The following HEG1 variants were observed in gnomAD, a reference collection of about 807,000 sequenced individuals.
The protein encoded by HEG1 is heart development protein with EGF like domains 1, also known as protein HEG homolog 1.
In HEG1, 56 loss-of-function variants were observed where a neutral mutation model predicts 125.6. That is an observed-to-expected ratio of 0.45 (90% CI 0.36 to 0.56). HEG1 has a LOEUF of 0.56. HEG1 is among the 20% of genes least tolerant of loss of function. The pLI, the probability that HEG1 is intolerant of heterozygous loss-of-function variation, is 0.00. For synonymous variants in HEG1, 644 were observed against 668.5 expected, an observed-to-expected ratio of 0.96 and a Z score of 0.57; for missense variants, 1,523 against 1,670.0, an observed-to-expected ratio of 0.91 and a Z score of 1.53.
At chr3:124,971,791 T>A (rs1936429319) in intron 16 of HEG1, among the ~76,000 whole-genome samples, 1 of 145,258 alleles carries the variant, frequency 6.9e-6, no homozygotes. Context: ...CGCCCGGCCT[T>A]TTTTTTTTTT....
chr3:124,992,604 G>C (rs1579404242), intron 12 of HEG1, among the ~76,000 whole-genome samples: 1 of 152,236 alleles, frequency 6.6e-6, no homozygotes. Flanking sequence ...GGAGGGGCAG[G>C]GGGCTGGCGA....
chr3:125,011,253 A>G (rs1937153966), intron 6 of HEG1, among the ~76,000 whole-genome samples: 1 of 152,142 alleles, frequency 6.6e-6, no homozygotes, highest in African/African-American at 2.4e-5. Context: ...CTCAAAAAAA[A>G]AAAATAGTAA....
chr3:125,014,997 C>T (rs918253139), intron 5 of HEG1: 34 of 1,250,346 alleles, frequency 2.7e-5, no homozygotes, highest in African/African-American at 2.6e-4. Flanking sequence ...GCCTGGCTCT[C>T]GGCTGTCTTC....
intron 1 of HEG1, among the ~76,000 whole-genome samples, chr3:125,035,580 C>T (rs557752395): frequency 6.6e-6 from 1 of 152,240 alleles, no homozygotes; most frequent in African/African-American, 2.4e-5. Context: ...CATCTTCAGA[C>T]TATCAAATAA....
chr3:125,042,517 TAGA>T (rs1462730145), intron 1 of HEG1, among the ~76,000 whole-genome samples: 2 of 152,244 alleles, frequency 1.3e-5, no homozygotes, highest in African/African-American at 4.8e-5. Flanking sequence ...GAATCAGGTA[TAGA>T]ATCTACCTCA....
chr3:124,997,606 C>CAG, intron 12 of HEG1, 83 bp downstream of exon 12: 1 of 1,375,372 alleles, frequency 7.3e-7, no homozygotes. Flanking sequence ...TAAGCAAAGA[C>CAG]AGAGAGAGAG....
intron 14 of HEG1, among the ~76,000 whole-genome samples, chr3:124,990,202 C>T (rs1936807135): frequency 1.3e-5 from 2 of 152,156 alleles, no homozygotes; most frequent in Non-Finnish European, 2.9e-5. Context: ...CACCCCATGT[C>T]TGGTTATCAC....
chr3:124,990,853 G>T lies in HEG1; in HGVS notation c.3696-29C>A, dbSNP rs1419664584. On this transcript the variant is annotated intron_variant, in intron 13 of 16. Coordinates refer to ENST00000311127, the MANE Select transcript of HEG1 (RefSeq NM_020733.2). ...CAAGCCAAGAAAGAAAAAAGGGCAA[G>T]AATTAGTTTCCAATCTCAAAAGAAA... 1.9e-6 allele frequency: 3 copies of T among 1,559,042 alleles called. No individual in the cohort carries two copies. The South Asian group carries it at 3.5e-5, about 18-fold the overall frequency.
At chr3:124,999,328 G>A (rs1223916668) in intron 11 of HEG1, among the ~76,000 whole-genome samples, 3 of 152,230 alleles carry the variant, frequency 2.0e-5, no homozygotes, top group Non-Finnish European at 4.4e-5. Flanking sequence ...AATCTCACCA[G>A]GCAAACACTG....
intron 8 of HEG1, among the ~76,000 whole-genome samples, chr3:125,007,035 TA>T: frequency 6.6e-6 from 1 of 151,306 alleles, no homozygotes; most frequent in African/African-American, 2.4e-5. Flanking sequence ...CCGTCTCTAC[TA>T]AAAATACAAA....
chr3:125,000,536 T>C (rs1456071121), intron 11 of HEG1, among the ~76,000 whole-genome samples: 1 of 151,786 alleles, frequency 6.6e-6, no homozygotes, highest in Non-Finnish European at 1.5e-5. Flanking sequence ...CATGATATAA[T>C]GGGGCATGAC....
chr3:124,989,080 T>C (rs1936789548), intron 14 of HEG1, among the ~76,000 whole-genome samples: 1 of 152,238 alleles, frequency 6.6e-6, no homozygotes. Flanking sequence ...ACCAAAGTCA[T>C]CAGTAATCCT....
chr3:125,020,313 C>T (rs573776125), intron 4 of HEG1, among the ~76,000 whole-genome samples: 2 of 152,212 alleles, frequency 1.3e-5, no homozygotes, highest in African/African-American at 2.4e-5. Context: ...GTAGTCCCAG[C>T]TACTCTGGAG....
In HEG1 at chr3:125,002,057, G is replaced by A. The variant is rs148607531; in HGVS notation, c.3357-45C>T. ...GTTTTTAACAGCCCTGAAATGACAC[G>A]TGGGTCCCAAGGCTTTTGGAAATGA... On this transcript the variant is annotated intron_variant, in intron 10 of 16. Transcript: ENST00000311127. The A allele has an allele frequency of 2.7e-3, 4,328 of 1,606,758 alleles. 9 individuals are homozygous for A. The highest frequency in any genetic ancestry group is 3.5e-3 in the South Asian group (314 of 90,394).
chr3:125,034,494 G>A (rs1937534607), intron 1 of HEG1, among the ~76,000 whole-genome samples: 1 of 152,154 alleles, frequency 6.6e-6, no homozygotes, highest in Admixed American at 6.5e-5. Context: ...GCCAAAGTGA[G>A]AATTAGAAAA....
intron 12 of HEG1, among the ~76,000 whole-genome samples, chr3:124,994,696 G>C (rs1008121485): frequency 1.3e-5 from 2 of 152,126 alleles, no homozygotes; most frequent in African/African-American, 4.8e-5. Flanking sequence ...AGTACAGACA[G>C]GGTTTCACCA....
intron 1 of HEG1, among the ~76,000 whole-genome samples, chr3:125,036,999 A>G (rs1278183732): frequency 6.6e-6 from 1 of 152,240 alleles, no homozygotes; most frequent in Non-Finnish European, 1.5e-5. Context: ...TTCGGGTATA[A>G]GGAAGTTTAT....
rs1349033738 is a variant in HEG1 at position 124,969,822 on chromosome 3, C to G, written c.*830G>C. 6.6e-6 allele frequency: 1 copy of G among 152,250 alleles called. No individual in the cohort carries two copies. The highest frequency in any genetic ancestry group is 1.9e-4 in the East Asian group (1 of 5,196). 9.4% of individuals were successfully genotyped at this position (152,250 alleles called of 1,614,324 possible). On this transcript the variant is annotated 3_prime_UTR_variant, in exon 17 of 17. Coordinates refer to ENST00000311127, the MANE Select transcript of HEG1 (RefSeq NM_020733.2). ...AGTCCCAGGCCCCAGGCTGGGCCCTCATGGATGAAAAGTGCCCCCCTGCCT... is the reference window on the plus strand; with the variant it reads ...AGTCCCAGGCCCCAGGCTGGGCCCTGATGGATGAAAAGTGCCCCCCTGCCT...
Position 124,971,558 on chromosome 3 carries a change from C to G in HEG1, c.3997-757G>C, listed in dbSNP as rs868457674. On this transcript the variant is annotated intron_variant, in intron 16 of 16. Coordinates refer to ENST00000311127, the MANE Select transcript of HEG1 (RefSeq NM_020733.2). ...CCAGGCCGGAGTGCAGTGGCACAAT[C>G]TCGGCTCATTGCAACCCCTGCCTCC... Among the ~76,000 whole-genome samples, 3 of 151,908 alleles carry G rather than the reference C, an allele frequency of 2.0e-5. No homozygotes were observed. The South Asian group carries it at 6.2e-4, about 32-fold the overall frequency.
Sources: allele counts gnomAD v4.1 joint callset (sites outside exome capture counted in the v4.1 genomes callset), GRCh38; gene constraint gnomAD v4.1.1; transcripts MANE v1.5; gene names NCBI Gene and HGNC (gene_info 2026-07-23, HGNC 2026-07-21).